Variants in C4orf36 observed in about 807,000 individuals in gnomAD.
C4orf36 encodes the protein chromosome 4 open reading frame 36.
C4orf36 carries 11 observed loss-of-function variants against 12.2 expected under a neutral mutation model. The ratio of observed to expected loss-of-function variants is 0.90; its 90% CI spans 0.57 to 1.49. The LOEUF is 1.49. Among genes scored for constraint, C4orf36 ranks in the 40% most tolerant of loss-of-function variants. The pLI, the probability that C4orf36 is intolerant of heterozygous loss-of-function variation, is 0.00. For missense variants in C4orf36, 137 were observed against 133.9 expected, an observed-to-expected ratio of 1.02 and a Z score of -0.11; for synonymous variants, 54 against 51.3, an observed-to-expected ratio of 1.05 and a Z score of -0.22.
At chr4:86,876,686 T>A in intron 4 of C4orf36, 1 of 1,611,234 alleles carries the variant, frequency 6.2e-7, no homozygotes. Context: ...TGAAATTGTA[T>A]GGTGAAGCTA....
At chr4:86,887,684 C>T (rs1747228715) in intron 4 of C4orf36, 74 bp downstream of exon 4, 1 of 1,577,264 alleles carries the variant, frequency 6.3e-7, no homozygotes, top group Non-Finnish European at 8.7e-7. Flanking sequence ...CTGAACTATA[C>T]ATAGTGAAAG....
chr4:86,900,496 G>A, the C4orf36 span, among the ~76,000 whole-genome samples: 1 of 152,072 alleles, frequency 6.6e-6, no homozygotes, highest in Non-Finnish European at 1.5e-5. Context: ...CACAGGGGTG[G>A]GTCCTAATCC....
intron 2 of C4orf36, among the ~76,000 whole-genome samples, chr4:86,889,275 C>T (rs939408293): frequency 1.3e-5 from 2 of 151,010 alleles, no homozygotes; most frequent in African/African-American, 2.4e-5. Context: ...AGCTTGAACC[C>T]GAGAGGCGGA....
At chr4:86,897,118 T>TG (rs1426248345), upstream of C4orf36, among the ~76,000 whole-genome samples, 5 of 152,028 alleles carry the variant, frequency 3.3e-5, no homozygotes, top group African/African-American at 1.2e-4. Context: ...CCCAGCACTT[T>TG]GGGGGGTCAA....
At chr4:86,902,802 GT>G in the C4orf36 span, among the ~76,000 whole-genome samples, 1 of 152,128 alleles carries the variant, frequency 6.6e-6, no homozygotes, top group East Asian at 1.9e-4. Flanking sequence ...ACATCCTATA[GT>G]TTATTATGTT....
rs1174073896 is a variant in C4orf36 at position 86,883,653 on chromosome 4, T to G, written c.*2+4105A>C. On this transcript the variant is annotated intron_variant, in intron 4 of 4. Coordinates refer to ENST00000295898, the MANE Select transcript of C4orf36 (RefSeq NM_144645.4). ...CAGCAATAAGCAGCTGAGCTATGATTTGAAGAAAGGCACCCAGGTCTAAAG... is the reference window on the plus strand; with the variant it reads ...CAGCAATAAGCAGCTGAGCTATGATGTGAAGAAAGGCACCCAGGTCTAAAG... 2.0e-5 allele frequency among the ~76,000 whole-genome samples: 3 copies of G among 152,140 alleles called. No homozygotes were observed. The East Asian group carries it at 5.8e-4, about 29-fold the overall frequency.
upstream of C4orf36, among the ~76,000 whole-genome samples, chr4:86,894,031 G>A (rs1747533003): frequency 3.3e-5 from 5 of 151,996 alleles, no homozygotes; most frequent in South Asian, 1.0e-3. Context: ...CGAGTAGCTG[G>A]GACTACAGGC....
upstream of C4orf36, among the ~76,000 whole-genome samples, chr4:86,892,663 G>A (rs151025638): frequency 6.6e-6 from 1 of 152,220 alleles, no homozygotes. Flanking sequence ...TCTGGACTTC[G>A]TTTGCGGGCG....
At chr4:86,914,300 G>A in the C4orf36 span, 67 of 1,599,022 alleles carry the variant, frequency 4.2e-5, no homozygotes, top group Non-Finnish European at 5.4e-5. Context: ...CGATGCGGTC[G>A]CTCTTGGGAG....
intron 4 of C4orf36, 179 bp from the exon 5 acceptor site, chr4:86,876,622 A>G: frequency 6.2e-7 from 1 of 1,613,830 alleles, no homozygotes; most frequent in East Asian, 2.2e-5. Context: ...TCTTCAATGA[A>G]CCAGAAGAAA....
chr4:86,887,877 C>G lies in C4orf36; in HGVS notation c.237G>C (p.Arg79Ser), dbSNP rs763988565. 23 of 1,614,060 alleles carry G rather than the reference C, an allele frequency of 1.4e-5. No homozygotes were observed. The highest frequency in any genetic ancestry group is 1.9e-5 in the Non-Finnish European group (22 of 1,179,992). ...TACAAAGACGCTTCACTTCATACTC[C>G]CTTTCGAGTTTGATAGCTGAAAAAG... ...LPSAESIKLE[R>S]EYEVKRLCKL... Residue 79 changes from arginine (R) to serine (S), a missense_variant, in exon 4 of 5, where the codon AGG becomes AGC. Arg to Ser is a moderately radical substitution (Grantham distance 110). Coordinates refer to ENST00000295898, the MANE Select transcript of C4orf36 (RefSeq NM_144645.4).
chr4:86,916,378 A>T, the C4orf36 span, among the ~76,000 whole-genome samples: 17 of 152,238 alleles, frequency 1.1e-4, no homozygotes, highest in African/African-American at 4.1e-4. Flanking sequence ...AAAAAAAAAA[A>T]AAAAAAACTT....
At chr4:86,905,061 C>T in the C4orf36 span, among the ~76,000 whole-genome samples, 1 of 151,654 alleles carries the variant, frequency 6.6e-6, no homozygotes, top group Non-Finnish European at 1.5e-5. Context: ...CATAATGAGA[C>T]CCCGTCTCTA....
chr4:86,927,337 A>T, the C4orf36 span, among the ~76,000 whole-genome samples: 25 of 152,160 alleles, frequency 1.6e-4, no homozygotes, highest in African/African-American at 6.0e-4. Flanking sequence ...AGATCCAGTC[A>T]TGTGTTTTTG....
chr4:86,932,488 T>C, the C4orf36 span, among the ~76,000 whole-genome samples: 747 of 152,208 alleles, frequency 4.9e-3, 6 homozygotes, highest in African/African-American at 0.017. Context: ...CTGCAGAGTT[T>C]AGAAGTACTT....
At position 86,892,328 on chromosome 4, in the gene C4orf36, G is replaced by A. The variant is rs1458141438; in HGVS notation, c.-219C>T. 1 of 985,536 alleles carries A rather than the reference G, an allele frequency of 1.0e-6. No individual in the cohort carries two copies. The highest frequency in any genetic ancestry group is 1.2e-6 in the Non-Finnish European group (1 of 830,006). 61.0% of individuals were successfully genotyped at this position (985,536 alleles called of 1,614,324 possible). A position where few individuals can be genotyped will look rare whatever the true frequency, so the allele number is the denominator to read the frequency against. ...GGTCGCGGCCGGGGTACTGAGGTAA[G>A]AGCGCGCTGCGCTAAGCGCACATGG... On this transcript the variant is annotated 5_prime_UTR_variant, in exon 1 of 5. Transcript: ENST00000295898.
At chr4:86,903,633 A>T in the C4orf36 span, among the ~76,000 whole-genome samples, 2 of 152,182 alleles carry the variant, frequency 1.3e-5, no homozygotes, top group South Asian at 2.1e-4. Context: ...AGATCAAAAG[A>T]ACAAAGCTCC....
chr4:86,889,656 C>G (rs1474721598), intron 2 of C4orf36, among the ~76,000 whole-genome samples: 1 of 152,006 alleles, frequency 6.6e-6, no homozygotes, highest in Non-Finnish European at 1.5e-5. Flanking sequence ...ATAATCACAG[C>G]ACTTTGGGAG....
intron 2 of C4orf36, 67 bp downstream of exon 2, chr4:86,891,389 T>C (rs1747406971): frequency 1.4e-6 from 2 of 1,478,172 alleles, no homozygotes; most frequent in Non-Finnish European, 1.9e-6. Context: ...AGTCCTTTTA[T>C]TTAACAAAGA....
Sources: gnomAD v4.1 joint callset for allele counts (sites outside exome capture counted in the v4.1 genomes callset) on GRCh38, gnomAD v4.1.1 for gene constraint, MANE v1.5 for transcripts, NCBI Gene and HGNC (gene_info 2026-07-23, HGNC 2026-07-21) for gene names.